The following SATL1 variants were observed in gnomAD, a reference collection of about 807,000 sequenced individuals.
The protein encoded by SATL1 is spermidine/spermine N(1)-acetyltransferase-like protein 1.
Under a neutral mutation model 51.8 loss-of-function variants are expected in SATL1, and 47 were observed. That is an observed-to-expected ratio of 0.91 (90% CI 0.72 to 1.16). The LOEUF (loss-of-function observed/expected upper bound fraction) is 1.16, where lower values mean the gene tolerates loss of function less well. SATL1 is among the 50% of genes most tolerant of loss of function. The pLI is 0.00. For synonymous variants in SATL1, 176 were observed against 182.4 expected (o/e 0.97, Z 0.28); for missense variants, 520 against 526.4 (o/e 0.99, Z 0.12).
intron 2 of SATL1, among the ~76,000 whole-genome samples, chrX:85,150,767 C>A (rs866215642): frequency 5.5e-5 from 6 of 109,250 alleles, no homozygotes; most frequent in East Asian, 2.9e-4. Context: ...ATTCAACAAC[C>A]CTTCATGCTA....
At chrX:85,154,756 C>T (rs1926545657) in intron 2 of SATL1, among the ~76,000 whole-genome samples, 1 of 112,390 alleles carries the variant, frequency 8.9e-6, no homozygotes, top group Admixed American at 9.5e-5. Flanking sequence ...ATGCTATATT[C>T]CCTTCACTTA....
chrX:85,129,559 G>A (rs755369355), intron 2 of SATL1, among the ~76,000 whole-genome samples: 2 of 111,480 alleles, frequency 1.8e-5, no homozygotes, highest in South Asian at 7.5e-4. Flanking sequence ...GAGACGATGG[G>A]GTTTTTTAAA....
chrX:85,212,981 G>A (rs1927960276), intron 2 of SATL1: 1 of 111,655 alleles, frequency 9.0e-6, no homozygotes, highest in Non-Finnish European at 1.9e-5. Context: ...AAATGTTCAG[G>A]AAGTTTAGTT....
intron 2 of SATL1, among the ~76,000 whole-genome samples, chrX:85,205,031 G>A (rs1927765732): frequency 9.0e-6 from 1 of 111,635 alleles, no homozygotes; most frequent in South Asian, 3.8e-4. Flanking sequence ...AAAGGATCCT[G>A]GATAGTGGAT....
chrX:85,179,270 A>C (rs1927149201), intron 2 of SATL1, among the ~76,000 whole-genome samples: 1 of 111,926 alleles, frequency 8.9e-6, no homozygotes, highest in Admixed American at 9.5e-5. Context: ...GATTTACTAA[A>C]CCTTTTGAGA....
At chrX:85,203,696 G>A (rs1450331471) in intron 2 of SATL1, among the ~76,000 whole-genome samples, 6 of 112,001 alleles carry the variant, frequency 5.4e-5, no homozygotes, top group Admixed American at 1.9e-4. Flanking sequence ...CTTCTGCCCC[G>A]GGTCAGCTCA....
At position 85,108,479 on chromosome X, in the gene SATL1, T is replaced by A. The variant is rs758549986; in HGVS notation, c.490A>T (p.Ser164Cys). Residue 164 changes from serine to cysteine, a missense_variant, in exon 3 of 8, where the codon AGC becomes TGC. Coordinates refer to ENST00000644105, the MANE Select transcript of SATL1 (RefSeq NM_001367857.2). ...RQVGTSQLGT[S>C]QIGMSQPGTW... ...CCTGGTTGGCTCATGCCTATTTGGC[T>A]TGTGCCTAATTGGCTGGTGCCTACT... The A allele has an allele frequency of 8.3e-7, 1 of 1,211,877 alleles. No homozygotes were observed. The highest frequency in any genetic ancestry group is 2.2e-5 in the Admixed American group (1 of 46,077).
intron 2 of SATL1, among the ~76,000 whole-genome samples, chrX:85,170,489 G>A (rs1348940412): frequency 1.9e-4 from 21 of 111,484 alleles, no homozygotes; most frequent in East Asian, 2.8e-4. Context: ...CCGATGAAAA[G>A]CAAACAGTAT....
intron 2 of SATL1, among the ~76,000 whole-genome samples, chrX:85,202,293 A>G (rs1927702080): frequency 8.9e-6 from 1 of 112,084 alleles, no homozygotes; most frequent in Admixed American, 9.5e-5. Context: ...TGCTGTGCAG[A>G]AGCTTCAAAG....
In SATL1 at chrX:85,138,024, C is replaced by G. The variant is rs143955337; in HGVS notation, c.-312-28744G>C. On this transcript the variant is annotated intron_variant, in intron 2 of 7. Transcript: ENST00000644105. Reference sequence around the variant, plus strand: ...TGATTCTTTCTTAGGGTTTCCATCTCTCTGCTAACATTACCTATCTATTCC... The same window carrying G: ...TGATTCTTTCTTAGGGTTTCCATCTGTCTGCTAACATTACCTATCTATTCC... 2.4e-4 allele frequency among the ~76,000 whole-genome samples: 27 copies of G among 111,845 alleles called. No homozygotes were observed. In the East Asian group the frequency reaches 6.7e-3, roughly 28 times the overall value.
At chrX:85,203,719 C>A (rs1374218603) in intron 2 of SATL1, among the ~76,000 whole-genome samples, 2 of 111,776 alleles carry the variant, frequency 1.8e-5, no homozygotes, top group African/African-American at 6.5e-5. Flanking sequence ...CTCTCCAAAG[C>A]CTGAAGGCTG....
At chrX:85,197,320 T>G in intron 2 of SATL1, among the ~76,000 whole-genome samples, 1 of 111,435 alleles carries the variant, frequency 9.0e-6, no homozygotes, top group Middle Eastern at 4.7e-3. Flanking sequence ...ATCACATCAA[T>G]GTAAATGGGG....
chrX:85,151,419 T>G (rs1373915495), intron 2 of SATL1, among the ~76,000 whole-genome samples: 3 of 111,325 alleles, frequency 2.7e-5, no homozygotes, highest in African/African-American at 6.5e-5. Flanking sequence ...TCAATGCCAT[T>G]CCCATCAACC....
At chrX:85,092,599 G>C in intron 7 of SATL1, 38 bp from the exon 8 acceptor site, 5 of 1,146,820 alleles carry the variant, frequency 4.4e-6, no homozygotes, top group Non-Finnish European at 5.9e-6. Flanking sequence ...ACTTTCATTT[G>C]AAAGTATAAT....
rs189385513 is a variant in SATL1, at chrX:85,143,838, C to T, written c.-312-34558G>A. Among the ~76,000 whole-genome samples, 163 of 111,450 alleles carry T rather than the reference C, an allele frequency of 1.5e-3. 2 individuals are homozygous for T. Among genetic ancestry groups the T allele is most frequent in the African/African-American group, 5.1e-3 (157 of 30,779 alleles). On this transcript the variant is annotated intron_variant, in intron 2 of 7. Coordinates refer to ENST00000644105, the MANE Select transcript of SATL1 (RefSeq NM_001367857.2). The stretch of plus-strand genomic sequence containing the variant: ...ATTGTTTTAGGCTACTTATATTTAA[C>T]ACTGTTTCTTAGAATATATAAATGT...
chrX:85,202,825 T>C (rs1013314523), intron 2 of SATL1, among the ~76,000 whole-genome samples: 1 of 110,034 alleles, frequency 9.1e-6, no homozygotes, highest in African/African-American at 3.3e-5. Flanking sequence ...GTTGGAGGGG[T>C]GGATAGGGCA....
chrX:85,151,863 C>T (rs1246959767), intron 2 of SATL1, among the ~76,000 whole-genome samples: 1 of 111,589 alleles, frequency 9.0e-6, no homozygotes, highest in Non-Finnish European at 1.9e-5. Flanking sequence ...CATAAAAACC[C>T]TAGAAGAAAA....
At chrX:85,230,332 C>T (rs1333518267) in intron 1 of SATL1, among the ~76,000 whole-genome samples, 1 of 111,892 alleles carries the variant, frequency 8.9e-6, no homozygotes, top group Non-Finnish European at 1.9e-5. Flanking sequence ...ATGATAATCT[C>T]TTCAAGAAGA....
chrX:85,233,277 T>C (rs953019432), intron 1 of SATL1, among the ~76,000 whole-genome samples: 1 of 111,911 alleles, frequency 8.9e-6, no homozygotes, highest in African/African-American at 3.3e-5. Context: ...CTTAGAACAC[T>C]GAAGTCCCTT....
Sources: allele counts gnomAD v4.1 joint callset (sites outside exome capture counted in the v4.1 genomes callset), GRCh38; gene constraint gnomAD v4.1.1; transcripts MANE v1.5; gene names NCBI Gene and HGNC (gene_info 2026-07-23, HGNC 2026-07-21).